Variants in SDK2 observed in about 807,000 individuals in gnomAD.
SDK2 encodes the protein protein sidekick-2.
In SDK2, 105 loss-of-function variants were observed where a neutral mutation model predicts 253.9. That is an observed-to-expected ratio of 0.41 (90% CI 0.35 to 0.49). The LOEUF (loss-of-function observed/expected upper bound fraction) is 0.49, where lower values mean the gene tolerates loss of function less well. Ranked by LOEUF, SDK2 falls within the 20% of genes least tolerant of loss-of-function variation. SDK2 has a pLI of 0.06. For synonymous variants in SDK2, 1,249 were observed against 1,234.9 expected (o/e 1.01, Z -0.24); for missense variants, 2,608 against 3,003.0 (o/e 0.87, Z 3.07).
At chr17:73,637,504 A>G (rs1401151808) in intron 1 of SDK2, among the ~76,000 whole-genome samples, 1 of 152,192 alleles carries the variant, frequency 6.6e-6, no homozygotes, top group African/African-American at 2.4e-5. Flanking sequence ...TCAGCCTCCT[A>G]AGTAGCTGGG....
rs553767655 is a variant in SDK2, at chr17:73,525,779, C to T, written c.65-18182G>A. ...CCCCCCTACCTTGCCCCCTAGATTT[C>T]GGTGCCCTTGACTCCCATCCCATGC... is the stretch of plus-strand genomic sequence containing the variant. On this transcript the variant is annotated intron_variant, in intron 1 of 44. Transcript: ENST00000392650. 1.6e-4 allele frequency among the ~76,000 whole-genome samples: 24 copies of T among 152,124 alleles called. No homozygotes were observed. The South Asian group carries it at 3.7e-3, about 24-fold the overall frequency.
At chr17:73,460,870 A>T (rs1020268759) in intron 3 of SDK2, among the ~76,000 whole-genome samples, 1 of 152,194 alleles carries the variant, frequency 6.6e-6, no homozygotes, top group African/African-American at 2.4e-5. Context: ...TTTTCACAGA[A>T]CTCAGAAGAT....
chr17:73,463,527 TC>T, intron 3 of SDK2, among the ~76,000 whole-genome samples: 1 of 152,052 alleles, frequency 6.6e-6, no homozygotes, highest in South Asian at 2.1e-4. Context: ...ACCCTGGATC[TC>T]CCCCCTTCCC....
intron 1 of SDK2, among the ~76,000 whole-genome samples, chr17:73,568,684 TA>T (rs2045340992): frequency 6.6e-6 from 1 of 152,062 alleles, no homozygotes. Context: ...AATGAATGCA[TA>T]AAAAGTAGTT....
At position 73,547,964 on chromosome 17, in the gene SDK2, G is replaced by C. The variant is rs571856947; in HGVS notation, c.65-40367C>G. Among the ~76,000 whole-genome samples, 5 of 152,334 alleles carry C rather than the reference G, an allele frequency of 3.3e-5. No individual in the cohort carries two copies. The South Asian group carries it at 8.3e-4, about 25-fold the overall frequency. On this transcript the variant is annotated intron_variant, in intron 1 of 44. Transcript: ENST00000392650. ...AAGGCAAAGGGGAAGAAGCAAGCAT[G>C]TCTTACCATGGCAGAGCAGGAGAGA... is the stretch of plus-strand genomic sequence containing the variant.
At chr17:73,504,626 T>G (rs2063920253) in intron 2 of SDK2, among the ~76,000 whole-genome samples, 1 of 109,546 alleles carries the variant, frequency 9.1e-6, no homozygotes. Flanking sequence ...AGCAAGACTC[T>G]GTCTCAAAAA....
Position 73,415,728 on chromosome 17 carries a change from A to G in SDK2, c.2368+83T>C, listed in dbSNP as rs151207792. ...GGCTTAAAACTCCTGGGCTTGAGCA[A>G]TCCTCCCGTCTTGGCGTCCCAAAGT... On this transcript the variant is annotated intron_variant, in intron 17 of 44. Coordinates refer to ENST00000392650, the MANE Select transcript of SDK2 (RefSeq NM_001144952.2). 1.2e-3 allele frequency: 1,516 copies of G among 1,269,840 alleles called. 19 individuals are homozygous for G. The African/African-American group carries it at 0.02, about 16-fold the overall frequency. The allele number at this position is 1,269,840 out of a possible 1,614,324, so 78.7% of individuals were successfully genotyped here.
intron 1 of SDK2, among the ~76,000 whole-genome samples, chr17:73,641,688 C>T (rs17191645): frequency 0.22 from 33,120 of 151,722 alleles, 4,014 homozygotes; most frequent in South Asian, 0.28. Context: ...TTTCGTCCCT[C>T]GTTCTGTGCC....
chr17:73,400,028 T>C (rs78471889), intron 21 of SDK2, among the ~76,000 whole-genome samples: 2,911 of 152,282 alleles, frequency 0.019, 51 homozygotes, highest in Non-Finnish European at 0.033. Flanking sequence ...ACATACCTAT[T>C]TGCCAGCATG....
rs774602104 is a variant in SDK2, at chr17:73,350,240, G to A, written c.6035C>T (p.Thr2012Ile). Reference protein sequence around the residue: ...NSFCRKNGLYTRSPPRPSPGS... With the variant: ...NSFCRKNGLYIRSPPRPSPGS... ...ACCCACGCAGAGGGCCCAGTACCTG[G>A]TGTACAGGCCGTTCTTTCGGCAGAA... is the stretch of plus-strand genomic sequence containing the variant. Residue 2012 changes from threonine (T) to isoleucine (I), a missense_variant, in exon 43 of 45, where the codon ACC becomes ATC. Around this residue, in one of 2 missense-constraint regions of SDK2, gnomAD observed 1,103 missense variants for 1,143.9 expected, o/e 0.96. Transcript: ENST00000392650. The A allele has an allele frequency of 2.3e-6, 2 of 881,250 alleles. No homozygotes were observed. The highest frequency in any genetic ancestry group is 2.9e-6 in the Non-Finnish European group (2 of 679,526). The allele number at this position is 881,250 out of a possible 1,614,324, so 54.6% of individuals were successfully genotyped here. A position where few individuals can be genotyped will look rare whatever the true frequency, so the allele number is the denominator to read the frequency against.
chr17:73,559,346 AT>A (rs1479920026), intron 1 of SDK2, among the ~76,000 whole-genome samples: 1 of 152,210 alleles, frequency 6.6e-6, no homozygotes. Context: ...GGCAATGAGG[AT>A]GAAATGGGAC....
At chr17:73,509,083 G>T (rs987638188) in intron 1 of SDK2, among the ~76,000 whole-genome samples, 1 of 152,180 alleles carries the variant, frequency 6.6e-6, no homozygotes, top group South Asian at 2.1e-4. Context: ...CTGCTGTCAG[G>T]GTAGGCCCTG....
chr17:73,405,502 ATATATATATATATAT>A lies in SDK2; in HGVS notation c.2485-3376_2485-3362del, dbSNP rs2063067882. ...TATATATATATATATATATATATAT[ATATATATATATATAT>A]AAAGATCGAGAATGTGGAAAGTACA... On this transcript the variant is annotated intron_variant, in intron 18 of 44. Transcript: ENST00000392650. Among the ~76,000 whole-genome samples the A allele has an allele frequency of 2.0e-5, 2 of 99,650 alleles. 1 individual carries two copies. Among genetic ancestry groups the A allele is most frequent in the Non-Finnish European group, 4.1e-5 (2 of 48,766 alleles). 65.4% of individuals were successfully genotyped at this position (99,650 alleles called of 152,430 possible).
chr17:73,570,141 A>G lies in SDK2; in HGVS notation c.65-62544T>C, dbSNP rs574495791. Reference sequence around the variant, plus strand: ...CCCCCAGAGCCCCTCTTGGGGAGAGACTGGGACTGCTGAGCTTGGTGGACA... The same window carrying G: ...CCCCCAGAGCCCCTCTTGGGGAGAGGCTGGGACTGCTGAGCTTGGTGGACA... On this transcript the variant is annotated intron_variant, in intron 1 of 44. Transcript: ENST00000392650. This position sits in a 1 kb window ranked among gnomAD's most constrained non-coding sequence, Gnocchi z 4.2. Among the ~76,000 whole-genome samples, 30 of 152,068 alleles carry G rather than the reference A, an allele frequency of 2.0e-4. No individual in the cohort carries two copies. In the South Asian group the frequency reaches 6.3e-3, roughly 32 times the overall value.
At chr17:73,471,152 C>G (rs1444293873) in intron 3 of SDK2, among the ~76,000 whole-genome samples, 2 of 152,144 alleles carry the variant, frequency 1.3e-5, no homozygotes, top group African/African-American at 4.8e-5. Flanking sequence ...CTCTCTGCCC[C>G]CCAGCCTTTC....
At chr17:73,459,660 C>T (rs978648839) in intron 3 of SDK2, among the ~76,000 whole-genome samples, 3 of 151,794 alleles carry the variant, frequency 2.0e-5, no homozygotes, top group African/African-American at 4.8e-5. Flanking sequence ...CTAGTTCTGT[C>T]GTTCCATTAC....
At chr17:73,466,476 G>A (rs1019169034) in intron 3 of SDK2, among the ~76,000 whole-genome samples, 15 of 152,142 alleles carry the variant, frequency 9.9e-5, no homozygotes, top group African/African-American at 2.9e-4. Context: ...TAAAGCCAGG[G>A]CTCACAGCTG....
rs2046412018 is a variant in SDK2 at position 73,642,624 on chromosome 17, T to C, written c.64+1401A>G. Among the ~76,000 whole-genome samples the C allele has an allele frequency of 2.0e-5, 3 of 152,300 alleles. No homozygotes were observed. In the South Asian group the frequency reaches 6.2e-4, roughly 32 times the overall value. On this transcript the variant is annotated intron_variant, in intron 1 of 44. Coordinates refer to ENST00000392650, the MANE Select transcript of SDK2 (RefSeq NM_001144952.2). This position sits in a 1 kb window ranked among gnomAD's most constrained non-coding sequence, Gnocchi z 4.7. Reference sequence around the variant, plus strand: ...CTGCCCCCAGATCACAGAGTGGCCTTGGGCAAGTCATTTAATGCCATTTGG... The same window carrying C: ...CTGCCCCCAGATCACAGAGTGGCCTCGGGCAAGTCATTTAATGCCATTTGG...
At chr17:73,573,179 T>G in intron 1 of SDK2, among the ~76,000 whole-genome samples, 1 of 152,102 alleles carries the variant, frequency 6.6e-6, no homozygotes, top group East Asian at 1.9e-4. Context: ...TGAGCAAAAC[T>G]CTGCAGAGAA....
Sources: gnomAD v4.1 joint callset for allele counts (sites outside exome capture counted in the v4.1 genomes callset) on GRCh38, gnomAD v4.1.1 for gene constraint, gnomAD v4.1.1 regional missense constraint, Gnocchi (gnomAD v3.1) non-coding constraint, MANE v1.5 for transcripts, NCBI Gene and HGNC (gene_info 2026-07-23, HGNC 2026-07-21) for gene names.